GPI: variants seen among roughly 807,000 people sequenced by gnomAD.
GPI encodes glucose-6-phosphate isomerase.
GPI carries 56 observed loss-of-function variants against 75.8 expected under a neutral mutation model. That is an observed-to-expected ratio of 0.74 (90% CI 0.60 to 0.92). The LOEUF is 0.92. Among genes scored for constraint, GPI ranks in the 40% least tolerant of loss-of-function variants. The probability of loss-of-function intolerance (pLI) is 0.00; values close to 1 mark genes in which losing one functional copy is unlikely to be tolerated. For missense variants in GPI, 638 were observed against 741.0 expected, an observed-to-expected ratio of 0.86 and a Z score of 1.61; for synonymous variants, 288 against 285.4, an observed-to-expected ratio of 1.01 and a Z score of -0.09.
intron 14 of GPI, chr19:34,398,712 CT>C (rs1196506243): frequency 3.5e-3 from 493 of 142,898 alleles, no homozygotes; most frequent in Admixed American, 4.2e-3. Flanking sequence ...GTGTGTAGTT[CT>C]TTTTTTTTTT....
At chr19:34,371,386 A>G (rs909649031) in intron 4 of GPI, among the ~76,000 whole-genome samples, 2 of 152,206 alleles carry the variant, frequency 1.3e-5, no homozygotes, top group African/African-American at 4.8e-5. Flanking sequence ...GAGTCAGCAC[A>G]TATTCATATA....
intron 9 of GPI, among the ~76,000 whole-genome samples, chr19:34,388,674 T>C (rs1249149702): frequency 1.3e-5 from 2 of 152,092 alleles, no homozygotes; most frequent in Non-Finnish European, 2.9e-5. Context: ...GTTCGGAGGC[T>C]CAGGTCAGAC....
upstream of GPI, among the ~76,000 whole-genome samples, chr19:34,361,061 A>T (rs1315868412): frequency 6.6e-6 from 1 of 151,576 alleles, no homozygotes; most frequent in Non-Finnish European, 1.5e-5. Flanking sequence ...TACAGGTGTG[A>T]GTCACTGCAC....
intron 15 of GPI, 21 bp downstream of exon 15, chr19:34,399,356 C>A: frequency 6.2e-7 from 1 of 1,613,940 alleles, no homozygotes; most frequent in Non-Finnish European, 8.5e-7. Context: ...CTGCATTTGG[C>A]TTTGGGGTGC....
chr19:34,396,414 C>T lies in GPI; in HGVS notation c.1176C>T (p.Tyr392=). The T allele has an allele frequency of 6.2e-7, 1 of 1,614,204 alleles. No individual in the cohort carries two copies. Among genetic ancestry groups the T allele is most frequent in the Non-Finnish European group, 8.5e-7 (1 of 1,180,034 alleles). The change falls in exon 13 of 18, where the codon TAC becomes TAT. Residue 392 remains tyrosine (Y), a synonymous_variant. Coordinates refer to ENST00000356487, the MANE Select transcript of GPI (RefSeq NM_000175.5). ...GGACCAATGGCCAGCATGCTTTTTA[C>T]CAGCTCATCCACCAAGGTAGGCCCC... ...EPGTNGQHAF[Y]QLIHQGTKMI...
At chr19:34,378,830 ATGGGACAGC>A (rs1453994139) in intron 6 of GPI, 95 bp from the exon 7 acceptor site, 3 of 821,582 alleles carry the variant, frequency 3.7e-6, no homozygotes, top group Non-Finnish European at 4.3e-6. Context: ...ATACTGCTCC[ATGGGACAGC>A]TGGGCATTGC....
chr19:34,377,450 C>A, intron 4 of GPI, 53 bp from the exon 5 acceptor site: 1 of 1,295,400 alleles, frequency 7.7e-7, no homozygotes, highest in Non-Finnish European at 1.1e-6. Context: ...TGTTTTTGAG[C>A]AGCGGATTAT....
At chr19:34,364,071 C>T (rs1404731197), upstream of GPI, among the ~76,000 whole-genome samples, 1 of 152,048 alleles carries the variant, frequency 6.6e-6, no homozygotes, top group African/African-American at 2.4e-5. Flanking sequence ...GCTGTGTCAC[C>T]CAAGCTGGAG....
At chr19:34,384,150 C>G (rs1042611458) in intron 9 of GPI, among the ~76,000 whole-genome samples, 1 of 152,046 alleles carries the variant, frequency 6.6e-6, no homozygotes, top group African/African-American at 2.4e-5. Flanking sequence ...GTGATTGGGT[C>G]CAGGTTGGAG....
At position 34,381,505 on chromosome 19, in the gene GPI, T is replaced by C; in HGVS notation, c.790T>C (p.Phe264Leu). The C allele has an allele frequency of 1.9e-6, 3 of 1,607,718 alleles. No homozygotes were observed. The highest frequency in any genetic ancestry group is 2.6e-6 in the Non-Finnish European group (3 of 1,174,342). Residue 264 changes from phenylalanine to leucine, a missense_variant, in exon 9 of 18, where the codon TTC (phenylalanine) becomes CTC (leucine). Physicochemically the swap from Phe to Leu is conservative, Grantham distance 22. Transcript: ENST00000356487. Reference protein sequence around the residue: ...KEFGIDPQNMFEFWDWVGGRY... With the variant: ...KEFGIDPQNMLEFWDWVGGRY... ...GTTTGGAATTGACCCTCAAAACATG[T>C]TCGAGTTCTGGGATGTAAGTACAAG...
At position 34,399,780 on chromosome 19, in the gene GPI, G is replaced by A. The variant is rs375423586; in HGVS notation, c.1536G>A (p.Gln512=). The A allele has an allele frequency of 1.7e-4, 267 of 1,613,976 alleles. No homozygotes were observed. Among genetic ancestry groups the A allele is most frequent in the Middle Eastern group, 6.6e-4 (4 of 6,084 alleles). ...TCTGGGACATCAACAGCTTTGACCA[G>A]TGGGGGTGAGTTGCTCACTTAGGGG... The part of the protein sequence containing the change: ...GIIWDINSFD[Q]WGVELGKQLA... The change falls in exon 17 of 18, where the codon CAG becomes CAA. Residue 512 remains glutamine (Q), a synonymous_variant. Transcript: ENST00000356487.
intron 4 of GPI, among the ~76,000 whole-genome samples, 155 bp from the exon 5 acceptor site, chr19:34,377,336 AATATATATATAT>A (rs1243864461): frequency 1.2e-4 from 6 of 49,328 alleles, no homozygotes; most frequent in Non-Finnish European, 1.6e-4. Flanking sequence ...AAAAAAAAAA[AATATATATATAT>A]ATATATATAT....
upstream of GPI, among the ~76,000 whole-genome samples, chr19:34,360,110 C>A (rs566664227): frequency 3.0e-4 from 46 of 152,262 alleles, no homozygotes; most frequent in African/African-American, 9.9e-4. Flanking sequence ...GCAGCATGTT[C>A]TCTTGGAATT....
intron 14 of GPI, 130 bp from the exon 15 acceptor site, chr19:34,399,077 G>A (rs2074984309): frequency 8.1e-6 from 6 of 741,920 alleles, no homozygotes; most frequent in South Asian, 7.1e-5. Context: ...TGTCCCCCTC[G>A]CTCCAACTGA....
intron 1 of GPI, 140 bp downstream of exon 1, chr19:34,365,528 AGTC>A: frequency 7.5e-7 from 1 of 1,337,124 alleles, no homozygotes; most frequent in South Asian, 1.3e-5. Context: ...GCCCAGGCCG[AGTC>A]CGCACTTCGT....
intron 9 of GPI, among the ~76,000 whole-genome samples, chr19:34,389,653 G>A (rs551737479): frequency 1.1e-4 from 17 of 152,122 alleles, no homozygotes; most frequent in Non-Finnish European, 2.2e-4. Flanking sequence ...CTTTGGCCAC[G>A]GGACCTTTGC....
At chr19:34,383,771 A>G (rs571009773) in intron 9 of GPI, among the ~76,000 whole-genome samples, 12 of 152,116 alleles carry the variant, frequency 7.9e-5, no homozygotes, top group Non-Finnish European at 1.8e-4. Flanking sequence ...TGAGTGGCTC[A>G]GGTTGGGTAA....
intron 12 of GPI, 124 bp downstream of exon 12, chr19:34,394,190 T>G: frequency 1.4e-6 from 1 of 690,888 alleles, no homozygotes; most frequent in Non-Finnish European, 2.6e-6. Flanking sequence ...CTGGCCAAGG[T>G]CCATCTGTGC....
chr19:34,394,112 G>T, intron 12 of GPI, 46 bp downstream of exon 12: 4 of 1,482,976 alleles, frequency 2.7e-6, no homozygotes, highest in Non-Finnish European at 3.7e-6. Context: ...GATTTGTGGG[G>T]GGTCTGGGAG....
Sources: allele counts gnomAD v4.1 joint callset (sites outside exome capture counted in the v4.1 genomes callset), GRCh38; gene constraint gnomAD v4.1.1; transcripts MANE v1.5; gene names NCBI Gene and HGNC (gene_info 2026-07-23, HGNC 2026-07-21).